WDR86: variants seen among roughly 807,000 people sequenced by gnomAD.
WDR86 encodes the protein WD repeat-containing protein 86.
WDR86 carries 30 observed loss-of-function variants against 36.5 expected under a neutral mutation model. The ratio of observed to expected loss-of-function variants is 0.82; its 90% CI spans 0.61 to 1.11. The LOEUF is 1.11. Among genes scored for constraint, WDR86 ranks in the 50% most tolerant of loss-of-function variants. The pLI, the probability that WDR86 is intolerant of heterozygous loss-of-function variation, is 0.00. For missense variants in WDR86, 545 were observed against 561.2 expected (o/e 0.97, Z 0.29); for synonymous variants, 255 against 252.9 (o/e 1.01, Z -0.08).
At position 151,406,285 on chromosome 7, in the gene WDR86, C is replaced by T. The variant is rs1007657461; in HGVS notation, c.163+3142G>A. Among the ~76,000 whole-genome samples the T allele has an allele frequency of 6.6e-6, 1 of 152,208 alleles. No individual in the cohort carries two copies. The highest frequency in any genetic ancestry group is 2.4e-5 in the African/African-American group (1 of 41,454). On this transcript the variant is annotated intron_variant, in intron 1 of 5. Transcript: ENST00000334493. The surrounding 1 kb of genome is among the most constrained non-coding windows in gnomAD (Gnocchi z 4.4). The stretch of plus-strand genomic sequence containing the variant: ...ACAGGGAACGGCCTTCACTCTTCCT[C>T]TCCCTCTCACCCTTTGGCCCAAACT...
intron 1 of WDR86, chr7:151,408,727 T>G (rs1300240995): frequency 2.7e-6 from 1 of 373,738 alleles, no homozygotes; most frequent in Non-Finnish European, 5.5e-6. Flanking sequence ...TCACAGTGCA[T>G]GGGACAGGCC....
At position 151,395,796 on chromosome 7, in the gene WDR86, C is replaced by T. The variant is rs1484094652; in HGVS notation, c.706G>A (p.Gly236Ser). Residue 236 changes from glycine (G) to serine (S), a missense_variant, in exon 3 of 6, where the codon GGC (glycine) becomes AGC (serine). By Grantham distance (56) the Gly-to-Ser change is moderately conservative (BLOSUM62 0). Transcript: ENST00000334493. ...EQLRVFREHR[G>S]SVICLELVNR... ...CTCACCTCCAGACAGATGACGGAGCCCCGGTGCTCCCGGAACACCCGCAGC... is the reference window on the plus strand; with the variant it reads ...CTCACCTCCAGACAGATGACGGAGCTCCGGTGCTCCCGGAACACCCGCAGC... 1.3e-6 allele frequency: 2 copies of T among 1,563,050 alleles called. No homozygotes were observed. The highest frequency in any genetic ancestry group is 1.7e-6 in the Non-Finnish European group (2 of 1,155,760).
intron 2 of WDR86, among the ~76,000 whole-genome samples, chr7:151,399,367 C>T (rs886226993): frequency 2.0e-5 from 3 of 152,156 alleles, no homozygotes; most frequent in African/African-American, 4.8e-5. Context: ...GTCTGGTCTG[C>T]GCCCCCAGCC....
downstream of WDR86, among the ~76,000 whole-genome samples, chr7:151,370,969 G>A (rs1170618696): frequency 3.3e-5 from 5 of 152,110 alleles, no homozygotes; most frequent in Non-Finnish European, 7.3e-5. Context: ...GTGACCAGCC[G>A]AGAGGCCACA....
chr7:151,381,676 C>T lies in WDR86; in HGVS notation c.1037G>A (p.Arg346Gln). 7.0e-7 allele frequency: 1 copy of T among 1,427,568 alleles called. No individual in the cohort carries two copies. The highest frequency in any genetic ancestry group is 9.1e-7 in the Non-Finnish European group (1 of 1,100,918). 88.4% of individuals were successfully genotyped at this position (1,427,568 alleles called of 1,614,324 possible). A position where few individuals can be genotyped will look rare whatever the true frequency, so the allele number is the denominator to read the frequency against. The change falls in exon 6 of 6, where the codon CGA (arginine) becomes CAA (glutamine). Residue 346 changes from arginine to glutamine, a missense_variant. Arg to Gln is a conservative substitution (Grantham distance 43). Coordinates refer to ENST00000334493, the MANE Select transcript of WDR86 (RefSeq NM_198285.3). This position sits in a 1 kb window ranked among gnomAD's most constrained non-coding sequence, Gnocchi z 4.8. ...ALRLWDVRGL[R>Q]GAPRPPPPMR... The stretch of plus-strand genomic sequence containing the variant: ...GGGCGGAGGGGGCCGCGGGGCACCT[C>T]GGAGCCCGCGCACGTCCCAGAGGCG...
chr7:151,398,472 TGTAAG>T (rs1800044555), intron 2 of WDR86, among the ~76,000 whole-genome samples: 1 of 132,756 alleles, frequency 7.5e-6, no homozygotes, highest in Admixed American at 7.8e-5. Flanking sequence ...CATGTGTATG[TGTAAG>T]GTGTGTATGT....
intron 3 of WDR86, among the ~76,000 whole-genome samples, chr7:151,389,487 A>G (rs529418851): frequency 2.6e-4 from 39 of 152,322 alleles, no homozygotes; most frequent in African/African-American, 9.1e-4. Flanking sequence ...TTGGCCCACC[A>G]GGAAACCTCA....
At position 151,409,649 on chromosome 7, in the gene WDR86, G is replaced by T; in HGVS notation, c.-60C>A. The T allele has an allele frequency of 7.6e-7, 1 of 1,318,698 alleles. No individual in the cohort carries two copies. The highest frequency in any genetic ancestry group is 2.1e-5 in the South Asian group (1 of 47,334). The allele number at this position is 1,318,698 out of a possible 1,614,324, so 81.7% of individuals were successfully genotyped here. The stretch of plus-strand genomic sequence containing the variant: ...GCCCCGCTAGGGAGGGGCGCCCCGG[G>T]GTCCGCGCGGCGGCTCCGTACGACT... On this transcript the variant is annotated 5_prime_UTR_variant, in exon 1 of 6. Coordinates refer to ENST00000334493, the MANE Select transcript of WDR86 (RefSeq NM_198285.3). This position sits in a 1 kb window ranked among gnomAD's most constrained non-coding sequence, Gnocchi z 5.2.
In WDR86 at chr7:151,406,146, C is replaced by T. The variant is rs773171119; in HGVS notation, c.163+3281G>A. 2.0e-5 allele frequency among the ~76,000 whole-genome samples: 3 copies of T among 152,178 alleles called. No individual in the cohort carries two copies. The highest frequency in any genetic ancestry group is 2.1e-4 in the South Asian group (1 of 4,832). On this transcript the variant is annotated intron_variant, in intron 1 of 5. Transcript: ENST00000334493. This position sits in a 1 kb window ranked among gnomAD's most constrained non-coding sequence, Gnocchi z 4.4. ...ACCAACCGCATTTGAAAGGCAATTC[C>T]GTGTATGAACAAGTGAATGCACCCA...
intron 1 of WDR86, among the ~76,000 whole-genome samples, chr7:151,403,821 G>T (rs766375998): frequency 6.6e-6 from 1 of 152,160 alleles, no homozygotes; most frequent in Non-Finnish European, 1.5e-5. Context: ...CCCTGCTGCC[G>T]CCAGGAGGGC....
downstream of WDR86, among the ~76,000 whole-genome samples, chr7:151,372,894 G>A (rs1798026983): frequency 6.6e-6 from 1 of 152,138 alleles, no homozygotes; most frequent in Admixed American, 6.5e-5. Flanking sequence ...TGGCGCTGTG[G>A]GCACTCCAGG....
chr7:151,376,325 C>A (rs553325568), downstream of WDR86: 51 of 481,442 alleles, frequency 1.1e-4, no homozygotes, highest in South Asian at 1.1e-3. Flanking sequence ...CGCGTTAGCA[C>A]GCCTGTATGC....
At chr7:151,369,005 A>G in the WDR86 span, 3 of 1,163,184 alleles carry the variant, frequency 2.6e-6, no homozygotes, top group East Asian at 8.7e-5. Context: ...GGAAGGAGAA[A>G]CTTGTCCTTT....
chr7:151,376,068 G>C, exon 2 of WDR86: 1 of 702,662 alleles, frequency 1.4e-6, no homozygotes, highest in Non-Finnish European at 2.6e-6. Flanking sequence ...CCAGGCTCCA[G>C]GTGTAACCTG....
downstream of WDR86, chr7:151,374,259 G>A (rs1237984060): frequency 5.8e-6 from 9 of 1,551,230 alleles, no homozygotes; most frequent in Middle Eastern, 1.7e-4. Flanking sequence ...AGCTCCCTCG[G>A]GGCCTCTGGC....
At chr7:151,380,136 C>G (rs193076390), downstream of WDR86, among the ~76,000 whole-genome samples, 5 of 152,302 alleles carry the variant, frequency 3.3e-5, no homozygotes, top group East Asian at 9.7e-4. Flanking sequence ...TCTCCTGCAC[C>G]GATCTGCTTG....
intron 2 of WDR86, among the ~76,000 whole-genome samples, chr7:151,396,542 G>C (rs189728701): frequency 1.6e-4 from 23 of 147,408 alleles, no homozygotes; most frequent in African/African-American, 2.7e-4. Flanking sequence ...GGAAGCGGGT[G>C]GGGGGGAAGG....
At chr7:151,389,475 A>C (rs1799247826) in intron 3 of WDR86, among the ~76,000 whole-genome samples, 1 of 151,978 alleles carries the variant, frequency 6.6e-6, no homozygotes, top group South Asian at 2.1e-4. Context: ...GACGCCCCAC[A>C]CTTGGCCCAC....
At chr7:151,383,705 TC>T (rs1273604688) in intron 4 of WDR86, among the ~76,000 whole-genome samples, 1 of 151,996 alleles carries the variant, frequency 6.6e-6, no homozygotes, top group Non-Finnish European at 1.5e-5. Flanking sequence ...CTTTCTGCCT[TC>T]CCCCCACAAA....
Sources: allele counts gnomAD v4.1 joint callset (sites outside exome capture counted in the v4.1 genomes callset), GRCh38; gene constraint gnomAD v4.1.1; non-coding constraint Gnocchi (gnomAD v3.1); transcripts MANE v1.5; gene names NCBI Gene and HGNC (gene_info 2026-07-23, HGNC 2026-07-21).